CLIC1: variants seen among roughly 807,000 people sequenced by gnomAD.
The protein encoded by CLIC1 is chloride intracellular channel protein 1.
In CLIC1, 16 loss-of-function variants were observed where a neutral mutation model predicts 26.4. The ratio of observed to expected loss-of-function variants is 0.61; its 90% CI spans 0.41 to 0.92. The LOEUF is 0.92. CLIC1 is among the 40% of genes least tolerant of loss of function. CLIC1 has a pLI of 0.00. For missense variants in CLIC1, 225 were observed against 289.7 expected (o/e 0.78, Z 1.62); for synonymous variants, 98 against 120.8 (o/e 0.81, Z 1.24).
Position 31,732,437 on chromosome 6 carries a change from G to T in CLIC1, c.383-39C>A, listed in dbSNP as rs1245097309. The T allele has an allele frequency of 8.6e-6, 12 of 1,395,990 alleles. No homozygotes were observed. The highest frequency in any genetic ancestry group is 1.0e-5 in the Non-Finnish European group (11 of 1,068,380). The allele number at this position is 1,395,990 out of a possible 1,614,324, so 86.5% of individuals were successfully genotyped here. A position where few individuals can be genotyped will look rare whatever the true frequency, so the allele number is the denominator to read the frequency against. Reference sequence around the variant, plus strand: ...GGAACTGATTAGAACTTCAGGAAAAGATTGACATAGTCCGAAAAGGCCCGT... The same window carrying T: ...GGAACTGATTAGAACTTCAGGAAAATATTGACATAGTCCGAAAAGGCCCGT... On this transcript the variant is annotated intron_variant, in intron 4 of 5. Coordinates refer to ENST00000375784, the Ensembl canonical transcript of CLIC1. This position sits in a 1 kb window ranked among gnomAD's most constrained non-coding sequence, Gnocchi z 5.0.
chr6:31,736,954 T>C (rs1468009368), upstream of CLIC1: 1 of 985,564 alleles, frequency 1.0e-6, no homozygotes, highest in Non-Finnish European at 1.2e-6. The surrounding 1 kb of genome is among the most constrained non-coding windows in gnomAD (Gnocchi z 5.0). Flanking sequence ...GGACTGCAGA[T>C]AGGAACCGTT....
intron 1 of CLIC1, among the ~76,000 whole-genome samples, chr6:31,735,807 C>CA (rs1808288581): frequency 9.5e-4 from 119 of 124,980 alleles, no homozygotes; most frequent in African/African-American, 3.5e-3. Context: ...GCGTCTCCAT[C>CA]CACACACACA....
At position 31,733,640 on chromosome 6, in the gene CLIC1, G is replaced by A. The variant is rs1808130985; in HGVS notation, c.308C>T (p.Ser103Phe). The A allele has an allele frequency of 6.2e-7, 1 of 1,612,946 alleles. No individual in the cohort carries two copies. The highest frequency in any genetic ancestry group is 1.3e-5 in the African/African-American group (1 of 74,918). The change falls in exon 4 of 6, where the codon TCC (serine) becomes TTC (phenylalanine). Residue 103 changes from serine to phenylalanine, a missense_variant. By Grantham distance (155) the Ser-to-Phe change is radical (BLOSUM62 -2). Coordinates refer to ENST00000375784, the Ensembl canonical transcript of CLIC1. This position sits in a 1 kb window ranked among gnomAD's most constrained non-coding sequence, Gnocchi z 5.4. ...AAATATGTCCAGCCCAGCTGTGTTG[G>A]ACTCAGGGTTCAGAGCTGCCAGCTT...
In CLIC1 at chr6:31,734,802, T is replaced by C. The variant is rs957718968; in HGVS notation, c.40-539A>G. Among the ~76,000 whole-genome samples, 1 of 152,092 alleles carries C rather than the reference T, an allele frequency of 6.6e-6. No homozygotes were observed. Among genetic ancestry groups the C allele is most frequent in the Non-Finnish European group, 1.5e-5 (1 of 68,006 alleles). On this transcript the variant is annotated intron_variant, in intron 1 of 5. Transcript: ENST00000375784. The surrounding 1 kb of genome is among the most constrained non-coding windows in gnomAD (Gnocchi z 5.3). ...CTCTAATTAGCAAGTGGTGACCTCA[T>C]TGGCCCAAGGGACACCTCCCCCTAA...
At position 31,732,462 on chromosome 6, in the gene CLIC1, T is replaced by C. The variant is rs375623661; in HGVS notation, c.383-64A>G. The C allele has an allele frequency of 1.3e-5, 16 of 1,253,648 alleles. No homozygotes were observed. Among genetic ancestry groups the C allele is most frequent in the Middle Eastern group, 2.9e-4 (1 of 3,450 alleles). The allele number at this position is 1,253,648 out of a possible 1,614,324, so 77.7% of individuals were successfully genotyped here. A position where few individuals can be genotyped will look rare whatever the true frequency, so the allele number is the denominator to read the frequency against. On this transcript the variant is annotated intron_variant, in intron 4 of 5. Coordinates refer to ENST00000375784, the Ensembl canonical transcript of CLIC1. The surrounding 1 kb of genome is among the most constrained non-coding windows in gnomAD (Gnocchi z 5.0). The stretch of plus-strand genomic sequence containing the variant: ...GATTGACATAGTCCGAAAAGGCCCG[T>C]TGGGGGTGGATACTAATGGTGAGTC...
chr6:31,734,094 GGT>G lies in CLIC1; in HGVS notation c.149+58_149+59del. ...TGTTCATGACAGAAGGACTCGGGTG[GGT>G]GTGTGTTTGCACACATGTGTACACC... On this transcript the variant is annotated intron_variant, in intron 2 of 5. Coordinates refer to ENST00000375784, the Ensembl canonical transcript of CLIC1. The surrounding 1 kb of genome is among the most constrained non-coding windows in gnomAD (Gnocchi z 5.3). 1 of 1,575,332 alleles carries G rather than the reference GGT, an allele frequency of 6.3e-7. No homozygotes were observed. The highest frequency in any genetic ancestry group is 8.7e-7 in the Non-Finnish European group (1 of 1,145,168).
chr6:31,732,274 A>G lies in CLIC1; in HGVS notation c.507T>C (p.Asp169=). ...AGTCAGCCAGGGTGAGCTCGTTGCCATCCAAAAACTTCCTCTGAGAGACAC... is the reference window on the plus strand; with the variant it reads ...AGTCAGCCAGGGTGAGCTCGTTGCCGTCCAAAAACTTCCTCTGAGAGACAC... Residue 169 remains aspartate, a synonymous_variant, in exon 5 of 6, where the codon GAT becomes GAC. Transcript: ENST00000375784. The surrounding 1 kb of genome is among the most constrained non-coding windows in gnomAD (Gnocchi z 5.0). The G allele has an allele frequency of 6.3e-7, 1 of 1,597,944 alleles. No individual in the cohort carries two copies. The highest frequency in any genetic ancestry group is 8.5e-7 in the Non-Finnish European group (1 of 1,172,710).
At position 31,730,883 on chromosome 6, in the gene CLIC1, TCTC is replaced by T. The variant is rs774513058; in HGVS notation, c.682_684del (p.Glu228del). 3 of 1,613,052 alleles carry T rather than the reference TCTC, an allele frequency of 1.9e-6. No homozygotes were observed. Among genetic ancestry groups the T allele is most frequent in the Non-Finnish European group, 1.7e-6 (2 of 1,180,024 alleles). ...GCCACTTGCTCATAGGCGAGCTCGA[TCTC>T]CTCATCATCTGGACAGGTGGAAGCG... On this transcript the variant is annotated inframe_deletion, in exon 6 of 6. Coordinates refer to ENST00000375784, the Ensembl canonical transcript of CLIC1. This position sits in a 1 kb window ranked among gnomAD's most constrained non-coding sequence, Gnocchi z 5.1.
Position 31,733,912 on chromosome 6 carries a change from G to C in CLIC1, c.199C>G (p.Leu67Val). 6.2e-7 allele frequency: 1 copy of C among 1,614,112 alleles called. No individual in the cohort carries two copies. Among genetic ancestry groups the C allele is most frequent in the Non-Finnish European group, 8.5e-7 (1 of 1,180,014 alleles). ...GTGTGCACTTCAGTGCCATACAGCA[G>C]GAATGGGAGCTGCCCCCCTGGGCAC... is the stretch of plus-strand genomic sequence containing the variant. Residue 67 changes from leucine (L) to valine (V), a missense_variant, in exon 3 of 6, where the codon CTG (leucine) becomes GTG (valine). Transcript: ENST00000375784. This position sits in a 1 kb window ranked among gnomAD's most constrained non-coding sequence, Gnocchi z 5.4.
upstream of CLIC1, chr6:31,736,617 G>A (rs774325425): frequency 2.0e-4 from 250 of 1,247,588 alleles, no homozygotes; most frequent in Non-Finnish European, 2.4e-4. This position sits in a 1 kb window ranked among gnomAD's most constrained non-coding sequence, Gnocchi z 5.0. Flanking sequence ...GAGTGAGTCC[G>A]GAAGGGGAAT....
chr6:31,733,413 T>C lies in CLIC1; in HGVS notation c.382+153A>G, dbSNP rs1808110742. Among the ~76,000 whole-genome samples the C allele has an allele frequency of 6.6e-6, 1 of 152,100 alleles. No individual in the cohort carries two copies. The highest frequency in any genetic ancestry group is 1.5e-5 in the Non-Finnish European group (1 of 68,016). Reference sequence around the variant, plus strand: ...TGGCCAATGAAAATGCAGGGAAATATAGAGGTAAAGCAAAAATGGGAAGCT... The same window carrying C: ...TGGCCAATGAAAATGCAGGGAAATACAGAGGTAAAGCAAAAATGGGAAGCT... On this transcript the variant is annotated intron_variant, in intron 4 of 5. Transcript: ENST00000375784. This position sits in a 1 kb window ranked among gnomAD's most constrained non-coding sequence, Gnocchi z 5.4.
In CLIC1 at chr6:31,733,852, C is replaced by T; in HGVS notation, c.259G>A (p.Val87Met). 2 of 1,614,232 alleles carry T rather than the reference C, an allele frequency of 1.2e-6. No homozygotes were observed. Among genetic ancestry groups the T allele is most frequent in the African/African-American group, 2.7e-5 (2 of 75,056 alleles). Residue 87 changes from valine (V) to methionine (M), a missense_variant, in exon 3 of 6, where the codon GTG (valine) becomes ATG (methionine). Val to Met is a conservative substitution (Grantham distance 21). Transcript: ENST00000375784. The surrounding 1 kb of genome is among the most constrained non-coding windows in gnomAD (Gnocchi z 5.4). ...CCCCTATACCTGGGAGGGCACAGCA[C>T]TGCCTCCAGAAATTCCTCAATCTTG...
chr6:31,736,650 G>T (rs1808354692), upstream of CLIC1: 1 of 1,152,710 alleles, frequency 8.7e-7, no homozygotes, highest in African/African-American at 1.6e-5. The surrounding 1 kb of genome is among the most constrained non-coding windows in gnomAD (Gnocchi z 5.0). Context: ...CACAGGATGG[G>T]GATGGGGGTG....
rs774576457 is a variant in CLIC1 at position 31,733,963 on chromosome 6, T to C, written c.150-2A>G. Reference sequence around the variant, plus strand: ...AGCTTCTGCACTGTCTCGGTCCGCCTGGAGAAAGGATCAGGAATCAGGACT... The same window carrying C: ...AGCTTCTGCACTGTCTCGGTCCGCCCGGAGAAAGGATCAGGAATCAGGACT... On this transcript the variant is annotated splice_acceptor_variant, in intron 2 of 5. Transcript: ENST00000375784. LOFTEE classifies it high-confidence loss of function. The surrounding 1 kb of genome is among the most constrained non-coding windows in gnomAD (Gnocchi z 5.4). 1.2e-6 allele frequency: 2 copies of C among 1,611,350 alleles called. No individual in the cohort carries two copies. Among genetic ancestry groups the C allele is most frequent in the South Asian group, 1.1e-5 (1 of 91,014 alleles).
intron 1 of CLIC1, among the ~76,000 whole-genome samples, chr6:31,735,399 G>T (rs1808261105): frequency 1.3e-5 from 2 of 150,758 alleles, no homozygotes; most frequent in Admixed American, 6.6e-5. Context: ...TCAGAGGGGG[G>T]CTGGGTGACA....
In CLIC1 at chr6:31,732,205, A is replaced by C. The variant is rs576175147; in HGVS notation, c.564+12T>G. 1.4e-6 allele frequency: 2 copies of C among 1,434,770 alleles called. No homozygotes were observed. The highest frequency in any genetic ancestry group is 1.6e-5 in the South Asian group (1 of 63,036). The allele number at this position is 1,434,770 out of a possible 1,614,324, so 88.9% of individuals were successfully genotyped here. A position where few individuals can be genotyped will look rare whatever the true frequency, so the allele number is the denominator to read the frequency against. ...CCAGTGGTCATCCTCTCCTCCCGCAATAACCACACACCTGTACTATGTGTA... is the reference window on the plus strand; with the variant it reads ...CCAGTGGTCATCCTCTCCTCCCGCACTAACCACACACCTGTACTATGTGTA... On this transcript the variant is annotated intron_variant, in intron 5 of 5. Transcript: ENST00000375784. The surrounding 1 kb of genome is among the most constrained non-coding windows in gnomAD (Gnocchi z 5.0).
Position 31,732,203 on chromosome 6 carries a change from C to A in CLIC1, c.564+14G>T, listed in dbSNP as rs2293852. ...CTCCAGTGGTCATCCTCTCCTCCCG[C>A]AATAACCACACACCTGTACTATGTG... On this transcript the variant is annotated intron_variant, in intron 5 of 5. Coordinates refer to ENST00000375784, the Ensembl canonical transcript of CLIC1. This position sits in a 1 kb window ranked among gnomAD's most constrained non-coding sequence, Gnocchi z 5.0. The A allele has an allele frequency of 5.0e-3, 7,098 of 1,432,902 alleles. 234 individuals are homozygous for A. The East Asian group carries it at 0.08, about 16-fold the overall frequency. 88.8% of individuals were successfully genotyped at this position (1,432,902 alleles called of 1,614,324 possible). A position where few individuals can be genotyped will look rare whatever the true frequency, so the allele number is the denominator to read the frequency against.
In CLIC1 at chr6:31,734,088, C is replaced by T. The variant is rs1180990156; in HGVS notation, c.149+66G>A. On this transcript the variant is annotated intron_variant, in intron 2 of 5. Transcript: ENST00000375784. The surrounding 1 kb of genome is among the most constrained non-coding windows in gnomAD (Gnocchi z 5.3). The stretch of plus-strand genomic sequence containing the variant: ...CAAAAATGTTCATGACAGAAGGACT[C>T]GGGTGGGTGTGTGTTTGCACACATG... 1.4e-5 allele frequency: 22 copies of T among 1,581,746 alleles called. No homozygotes were observed. Among genetic ancestry groups the T allele is most frequent in the East Asian group, 4.5e-5 (2 of 44,658 alleles).
In CLIC1 at chr6:31,736,359, G is replaced by A. The variant is rs1269521788; in HGVS notation, c.-59C>T. ...GGGGGAACTGGGAGGGGCTGGGACC[G>A]GGGAAGGCGGGTCTCACACTCAGGG... On this transcript the variant is annotated 5_prime_UTR_variant, in exon 1 of 6. Coordinates refer to ENST00000375784, the Ensembl canonical transcript of CLIC1. This position sits in a 1 kb window ranked among gnomAD's most constrained non-coding sequence, Gnocchi z 5.0. The A allele has an allele frequency of 6.8e-6, 11 of 1,611,156 alleles. No homozygotes were observed. The highest frequency in any genetic ancestry group is 1.3e-5 in the African/African-American group (1 of 74,856).
Sources: gnomAD v4.1 joint callset for allele counts (sites outside exome capture counted in the v4.1 genomes callset) on GRCh38, gnomAD v4.1.1 for gene constraint, Gnocchi (gnomAD v3.1) non-coding constraint, MANE v1.5 for transcripts, NCBI Gene and HGNC (gene_info 2026-07-23, HGNC 2026-07-21) for gene names.